STON2: variants seen among roughly 807,000 people sequenced by gnomAD.
The protein encoded by STON2 is stonin 2.
A neutral mutation model predicts 65.7 loss-of-function variants in STON2; 29 were observed. That is an observed-to-expected ratio of 0.44 (90% CI 0.33 to 0.60). The LOEUF is 0.60. Among genes scored for constraint, STON2 ranks in the 20% least tolerant of loss-of-function variants. The probability of loss-of-function intolerance (pLI) is 0.03; values close to 1 mark genes in which losing one functional copy is unlikely to be tolerated. For missense variants in STON2, 1,054 were observed against 1,118.1 expected, an observed-to-expected ratio of 0.94 and a Z score of 0.82; for synonymous variants, 404 against 414.2, an observed-to-expected ratio of 0.98 and a Z score of 0.30.
At chr14:81,397,320 C>T (rs939042262) in intron 2 of STON2, among the ~76,000 whole-genome samples, 14 of 151,954 alleles carry the variant, frequency 9.2e-5, no homozygotes, top group Non-Finnish European at 1.6e-4. Context: ...CTAGTAGCCA[C>T]ATGAAAAAAA....
intron 5 of STON2, among the ~76,000 whole-genome samples, chr14:81,306,223 T>A (rs1464056580): frequency 0.43 from 26,364 of 60,856 alleles, 6,335 homozygotes; most frequent in Non-Finnish European, 0.46. Flanking sequence ...ACATACTCTT[T>A]TTTTTTTTTT....
intron 2 of STON2, among the ~76,000 whole-genome samples, chr14:81,408,284 A>G (rs1900974922): frequency 6.6e-6 from 1 of 152,158 alleles, no homozygotes; most frequent in Non-Finnish European, 1.5e-5. Context: ...TCATTTAAAT[A>G]TTTTATTTTA....
At chr14:81,276,487 T>C (rs1265606541) in intron 6 of STON2, among the ~76,000 whole-genome samples, 1 of 152,194 alleles carries the variant, frequency 6.6e-6, no homozygotes, top group African/African-American at 2.4e-5. Context: ...TGTCCATGAT[T>C]GGCCATAAAC....
chr14:81,376,460 A>C (rs1196519611), intron 3 of STON2, among the ~76,000 whole-genome samples: 1 of 152,236 alleles, frequency 6.6e-6, no homozygotes, highest in South Asian at 2.1e-4. Context: ...ATAACCTTGA[A>C]ATAAAGTGAA....
chr14:81,281,318 A>G (rs1409086003), intron 5 of STON2, among the ~76,000 whole-genome samples: 1 of 152,194 alleles, frequency 6.6e-6, no homozygotes, highest in East Asian at 1.9e-4. Flanking sequence ...ACAAAGTCTA[A>G]AAGGAACATT....
In STON2 at chr14:81,267,345, T is replaced by C. The variant is rs1894396436; in HGVS notation, c.*1069A>G. On this transcript the variant is annotated 3_prime_UTR_variant, in exon 8 of 8. Coordinates refer to ENST00000614646, the MANE Select transcript of STON2 (RefSeq NM_001394390.1). ...ATGCCTTTTCAATCCAATCCAATAC[T>C]GTGATTATCAAACTCTGAATTTTGG... 1.0e-6 allele frequency: 1 copy of C among 985,386 alleles called. No individual in the cohort carries two copies. The highest frequency in any genetic ancestry group is 1.2e-6 in the Non-Finnish European group (1 of 829,916). 61.0% of individuals were successfully genotyped at this position (985,386 alleles called of 1,614,324 possible).
intron 4 of STON2, among the ~76,000 whole-genome samples, chr14:81,360,743 T>C (rs1265145766): frequency 6.6e-6 from 1 of 152,144 alleles, no homozygotes; most frequent in Admixed American, 6.5e-5. Context: ...CCACTGTTTG[T>C]TGATAACATA....
chr14:81,339,739 A>G (rs1442367576), intron 4 of STON2, among the ~76,000 whole-genome samples: 3 of 152,216 alleles, frequency 2.0e-5, no homozygotes, highest in Non-Finnish European at 4.4e-5. Flanking sequence ...AAACACTAAA[A>G]AGTTGCATTT....
At position 81,264,346 on chromosome 14, in the gene STON2, T is replaced by C. The variant is rs1225146054; in HGVS notation, c.*4068A>G. 2.0e-6 allele frequency: 2 copies of C among 985,372 alleles called. No homozygotes were observed. Among genetic ancestry groups the C allele is most frequent in the Non-Finnish European group, 2.4e-6 (2 of 829,944 alleles). 61.0% of individuals were successfully genotyped at this position (985,372 alleles called of 1,614,324 possible). ...AATAAAAGCATGCTTGCTGGCTTTA[T>C]TATGAGTATTTGATGATAAGTAAGG... On this transcript the variant is annotated 3_prime_UTR_variant, in exon 8 of 8. Transcript: ENST00000614646.
chr14:81,356,983 G>C (rs1057501158), intron 4 of STON2, among the ~76,000 whole-genome samples: 2 of 152,070 alleles, frequency 1.3e-5, no homozygotes, highest in Admixed American at 6.6e-5. Flanking sequence ...TCAGGACATA[G>C]GCACGGGCAA....
chr14:81,408,157 A>ACACACACGAG (rs147841517), intron 2 of STON2, among the ~76,000 whole-genome samples: 1 of 150,410 alleles, frequency 6.6e-6, no homozygotes, highest in East Asian at 2.0e-4. Context: ...ACACACACAC[A>ACACACACGAG]CGCGCACACA....
rs1894451112 is a variant in STON2, at chr14:81,268,625, C to T, written c.2785-128G>A. On this transcript the variant is annotated intron_variant, in intron 7 of 7. Coordinates refer to ENST00000614646, the MANE Select transcript of STON2 (RefSeq NM_001394390.1). ...ATTTTGCTAACATTTTGGGCGTTAG[C>T]CACATTGGAGCTACTGGCCCTGAGT... 5 of 1,238,014 alleles carry T rather than the reference C, an allele frequency of 4.0e-6. No individual in the cohort carries two copies. The South Asian group carries it at 7.2e-5, about 18-fold the overall frequency. 76.7% of individuals were successfully genotyped at this position (1,238,014 alleles called of 1,614,324 possible). A position where few individuals can be genotyped will look rare whatever the true frequency, so the allele number is the denominator to read the frequency against.
rs1277210382 is a variant in STON2, at chr14:81,266,527, T to C, written c.*1887A>G. On this transcript the variant is annotated 3_prime_UTR_variant, in exon 8 of 8. Coordinates refer to ENST00000614646, the MANE Select transcript of STON2 (RefSeq NM_001394390.1). The stretch of plus-strand genomic sequence containing the variant: ...CCCTTGTTCTTGCATCATCAGACCC[T>C]TTACAACCCTGGTCACCTCCCTATG... 1 of 316,914 alleles carries C rather than the reference T, an allele frequency of 3.2e-6. No individual in the cohort carries two copies. Among genetic ancestry groups the C allele is most frequent in the Admixed American group, 6.5e-5 (1 of 15,452 alleles). The allele number at this position is 316,914 out of a possible 1,614,324, so 19.6% of individuals were successfully genotyped here. A position where few individuals can be genotyped will look rare whatever the true frequency, so the allele number is the denominator to read the frequency against.
Position 81,277,258 on chromosome 14 carries a change from T to C in STON2, c.2224A>G (p.Thr742Ala). 1 of 1,614,126 alleles carries C rather than the reference T, an allele frequency of 6.2e-7. No individual in the cohort carries two copies. Among genetic ancestry groups the C allele is most frequent in the Non-Finnish European group, 8.5e-7 (1 of 1,180,020 alleles). ...MRFRTVFAEK[T>A]LPFTLRTATS... ...GCCGTCCTGAGTGTGAAAGGCAAGG[T>C]CTTCTCAGCAAACACTGTCCTGAAC... The change falls in exon 6 of 8, where the codon ACC becomes GCC. Residue 742 changes from threonine (T) to alanine (A), a missense_variant. Transcript: ENST00000614646.
intron 5 of STON2, among the ~76,000 whole-genome samples, chr14:81,292,750 C>T (rs969745636): frequency 2.0e-5 from 3 of 152,164 alleles, no homozygotes; most frequent in African/African-American, 7.2e-5. Context: ...AATAGCACCA[C>T]TACCTTTATA....
exon 1 of STON2, chr14:81,436,397 T>C (rs1902429946): frequency 6.6e-6 from 1 of 151,518 alleles, no homozygotes; most frequent in South Asian, 2.1e-4. Context: ...GGCCGCGGGA[T>C]ACCCACCCGG....
Position 81,328,364 on chromosome 14 carries a change from T to G in STON2, c.572-4177A>C, listed in dbSNP as rs73339711. 9.7e-3 allele frequency among the ~76,000 whole-genome samples: 1,471 copies of G among 152,298 alleles called. 33 individuals are homozygous for G. The highest frequency in any genetic ancestry group is 0.033 in the African/African-American group (1,388 of 41,560). On this transcript the variant is annotated intron_variant, in intron 4 of 7. Transcript: ENST00000614646. ...CTGTAGGAATGGAAAAGGGCATGAT[T>G]TGCTCCCAGGTTCAATTATCCCAGT...
chr14:81,291,305 A>G (rs1895545651), intron 5 of STON2, among the ~76,000 whole-genome samples: 1 of 152,216 alleles, frequency 6.6e-6, no homozygotes, highest in African/African-American at 2.4e-5. Flanking sequence ...TACATTCACA[A>G]AGCCAGTATG....
intron 4 of STON2, among the ~76,000 whole-genome samples, chr14:81,328,469 C>T (rs77497331): frequency 1.3e-5 from 2 of 152,070 alleles, no homozygotes; most frequent in East Asian, 1.9e-4. Flanking sequence ...CAGAGAGGTA[C>T]GAAGACATCA....
Sources: allele counts gnomAD v4.1 joint callset (sites outside exome capture counted in the v4.1 genomes callset), GRCh38; gene constraint gnomAD v4.1.1; transcripts MANE v1.5; gene names NCBI Gene and HGNC (gene_info 2026-07-23, HGNC 2026-07-21).